Variants in WDR7 observed in about 807,000 individuals in gnomAD.
WDR7 encodes WD repeat domain 7.
In WDR7, 46 loss-of-function variants were observed where a neutral mutation model predicts 169.4. That is an observed-to-expected ratio of 0.27 (90% confidence interval 0.21 to 0.35). WDR7 has a LOEUF of 0.35. Among genes scored for constraint, WDR7 ranks in the 10% least tolerant of loss-of-function variants. The pLI is 1.00. For missense variants in WDR7, 1,534 were observed against 1,859.3 expected (o/e 0.83, Z 3.22); for synonymous variants, 612 against 666.8 (o/e 0.92, Z 1.27).
intron 20 of WDR7, among the ~76,000 whole-genome samples, chr18:56,853,830 T>C (rs940196629): frequency 2.0e-5 from 3 of 152,218 alleles, no homozygotes; most frequent in African/African-American, 7.2e-5. Flanking sequence ...ACTTTCTTCC[T>C]CTTAACATTG....
At chr18:56,974,070 C>A (rs1289526279) in intron 26 of WDR7, among the ~76,000 whole-genome samples, 1 of 152,102 alleles carries the variant, frequency 6.6e-6, no homozygotes, top group East Asian at 1.9e-4. Flanking sequence ...CTAAGACATA[C>A]CATTTTCTGT....
chr18:56,935,366 G>A (rs542483052), intron 22 of WDR7, among the ~76,000 whole-genome samples: 1 of 152,288 alleles, frequency 6.6e-6, no homozygotes, highest in African/African-American at 2.4e-5. Flanking sequence ...AGACAGGAGT[G>A]AATCTTGCCT....
intron 22 of WDR7, 90 bp downstream of exon 22, chr18:56,924,198 G>T: frequency 7.0e-7 from 1 of 1,420,308 alleles, no homozygotes; most frequent in Non-Finnish European, 9.5e-7. Flanking sequence ...TGTATAGATT[G>T]TGCATGTTTA....
chr18:56,828,963 T>C (rs2145271223), intron 20 of WDR7, among the ~76,000 whole-genome samples: 1 of 152,034 alleles, frequency 6.6e-6, no homozygotes, highest in South Asian at 2.1e-4. Flanking sequence ...AAACCTGTCT[T>C]GCCCCTTGAT....
chr18:56,670,634 C>G (rs944586209), intron 1 of WDR7, among the ~76,000 whole-genome samples: 5 of 152,134 alleles, frequency 3.3e-5, no homozygotes, highest in African/African-American at 1.2e-4. Flanking sequence ...CCTTAGCCTC[C>G]TAAGTAGCTG....
chr18:56,711,383 C>T (rs1237412777), intron 12 of WDR7, among the ~76,000 whole-genome samples: 2 of 151,986 alleles, frequency 1.3e-5, no homozygotes, highest in African/African-American at 4.8e-5. Context: ...AAAATATCTG[C>T]TCCTCTCTAA....
chr18:56,731,335 A>G (rs766947733), intron 13 of WDR7, 48 bp from the exon 14 acceptor site: 3 of 1,581,208 alleles, frequency 1.9e-6, no homozygotes, highest in Non-Finnish European at 2.6e-6. Flanking sequence ...TAAACTATTC[A>G]AAATGTTGTA....
chr18:56,764,935 T>C (rs767959569), intron 16 of WDR7, among the ~76,000 whole-genome samples: 1 of 152,164 alleles, frequency 6.6e-6, no homozygotes. Flanking sequence ...TCTTATTAGG[T>C]GCATAAACCT....
At chr18:56,730,906 G>A (rs1440273462) in intron 13 of WDR7, among the ~76,000 whole-genome samples, 1 of 152,130 alleles carries the variant, frequency 6.6e-6, no homozygotes, top group East Asian at 1.9e-4. Context: ...ACAAAATGTA[G>A]AAATTATAAT....
At chr18:56,846,113 C>T (rs2045563451) in intron 20 of WDR7, among the ~76,000 whole-genome samples, 1 of 152,108 alleles carries the variant, frequency 6.6e-6, no homozygotes, top group Non-Finnish European at 1.5e-5. Flanking sequence ...AGAATATTGA[C>T]TAACAAAAAT....
rs7237665 is a variant in WDR7, at chr18:57,019,433, G to A, written c.4165-1312G>A. On this transcript the variant is annotated intron_variant, in intron 26 of 27. Transcript: ENST00000254442. Reference sequence around the variant, plus strand: ...TGGCCTTAGGTTCCACAGTTAATACGTAGTAGAGCTCACATGCAAACCCAG... The same window carrying A: ...TGGCCTTAGGTTCCACAGTTAATACATAGTAGAGCTCACATGCAAACCCAG... Among the ~76,000 whole-genome samples the A allele has an allele frequency of 6.6e-3, 1,011 of 152,094 alleles. 7 individuals carry two copies. The highest frequency in any genetic ancestry group is 0.023 in the African/African-American group (965 of 41,470).
In WDR7 at chr18:56,789,726, C is replaced by T. The variant is rs140191270; in HGVS notation, c.3190+8070C>T. ...CCCCTTTTCTCATTCACAAGTCTCTCCCTATCTTTATACCTTCAGTGCAGA... is the reference window on the plus strand; with the variant it reads ...CCCCTTTTCTCATTCACAAGTCTCTTCCTATCTTTATACCTTCAGTGCAGA... On this transcript the variant is annotated intron_variant, in intron 19 of 27. Transcript: ENST00000254442. Among the ~76,000 whole-genome samples the T allele has an allele frequency of 1.3e-3, 202 of 152,312 alleles. No homozygotes were observed. The Middle Eastern group carries it at 0.014, about 10-fold the overall frequency.
chr18:56,778,931 A>G (rs1412213112), intron 17 of WDR7, among the ~76,000 whole-genome samples: 1 of 152,214 alleles, frequency 6.6e-6, no homozygotes, highest in African/African-American at 2.4e-5. Flanking sequence ...AAGGTACCTT[A>G]ATGAGAGGTC....
chr18:56,676,903 G>A (rs2025256628), intron 2 of WDR7, among the ~76,000 whole-genome samples: 1 of 151,962 alleles, frequency 6.6e-6, no homozygotes, highest in East Asian at 1.9e-4. Flanking sequence ...CATGAGCCAG[G>A]GGCCTGTCAG....
rs776793267 is a variant in WDR7 at position 56,691,834 on chromosome 18, G to T, written c.966+17G>T. ...GATAAAGAGGTAAAATTCTTGAGGT[G>T]TCATTTATAATTGAAAGTTACATTG... On this transcript the variant is annotated intron_variant, in intron 9 of 27. Transcript: ENST00000254442. 1.9e-6 allele frequency: 3 copies of T among 1,567,980 alleles called. No individual in the cohort carries two copies. The highest frequency in any genetic ancestry group is 2.6e-6 in the Non-Finnish European group (3 of 1,150,588).
intron 21 of WDR7, among the ~76,000 whole-genome samples, chr18:56,918,456 G>A (rs144297853): frequency 3.3e-4 from 50 of 152,134 alleles, no homozygotes; most frequent in Non-Finnish European, 2.9e-5. Flanking sequence ...TCATAGACTA[G>A]TAAAATTTCT....
At chr18:56,931,001 G>A (rs1307073388) in intron 22 of WDR7, among the ~76,000 whole-genome samples, 1 of 152,184 alleles carries the variant, frequency 6.6e-6, no homozygotes, top group African/African-American at 2.4e-5. Flanking sequence ...TGTGAAGGGG[G>A]AGCTCAGGCT....
chr18:56,903,000 G>T (rs1273305708), intron 21 of WDR7, among the ~76,000 whole-genome samples: 1 of 152,136 alleles, frequency 6.6e-6, no homozygotes, highest in Non-Finnish European at 1.5e-5. Context: ...CACCCAGTAG[G>T]TTCTTATTTC....
At chr18:56,839,305 T>C (rs1347956172) in intron 20 of WDR7, among the ~76,000 whole-genome samples, 1 of 152,162 alleles carries the variant, frequency 6.6e-6, no homozygotes, top group Non-Finnish European at 1.5e-5. Context: ...CATTTACTAG[T>C]TACCTTCTTT....
Sources: allele counts gnomAD v4.1 joint callset (sites outside exome capture counted in the v4.1 genomes callset), GRCh38; gene constraint gnomAD v4.1.1; transcripts MANE v1.5; gene names NCBI Gene and HGNC (gene_info 2026-07-23, HGNC 2026-07-21).